SEMA4G: variants seen among roughly 807,000 people sequenced by gnomAD.
SEMA4G encodes the protein semaphorin 4G.
In SEMA4G, 59 loss-of-function variants were observed where a neutral mutation model predicts 81.2. The observed-to-expected ratio is 0.73, with a 90% CI of 0.59 to 0.90. SEMA4G has a LOEUF of 0.90. Ranked by LOEUF, SEMA4G falls within the 40% of genes least tolerant of loss-of-function variation. SEMA4G has a pLI of 0.00. For synonymous variants in SEMA4G, 404 were observed against 433.9 expected, an observed-to-expected ratio of 0.93 and a Z score of 0.86; for missense variants, 952 against 1,102.3, an observed-to-expected ratio of 0.86 and a Z score of 1.93.
intron 3 of SEMA4G, among the ~76,000 whole-genome samples, chr10:100,976,083 G>A (rs565371048): frequency 5.3e-5 from 8 of 152,110 alleles, no homozygotes; most frequent in African/African-American, 1.9e-4. Flanking sequence ...GGAGACGGGG[G>A]ACAGATGGTA....
At chr10:100,978,493 C>T (rs751535340) in intron 5 of SEMA4G, 34 bp from the exon 7 acceptor site, 13 of 1,603,422 alleles carry the variant, frequency 8.1e-6, no homozygotes, top group Non-Finnish European at 9.4e-6. Flanking sequence ...TTGAATATGA[C>T]ATGTCTCTCA....
chr10:100,975,169 T>C (rs930948211), intron 3 of SEMA4G: 1 of 415,952 alleles, frequency 2.4e-6, no homozygotes, highest in Non-Finnish European at 4.8e-6. Context: ...TCTGTGACAG[T>C]GAACACCCTC....
At chr10:100,984,874 G>C (rs1390425592), downstream of SEMA4G, 51 of 1,480,870 alleles carry the variant, frequency 3.4e-5, no homozygotes, top group Non-Finnish European at 4.4e-5. Flanking sequence ...CACTCTCCTT[G>C]GTCATTCTCA....
chr10:100,979,509 A>G (rs964463700), intron 8 of SEMA4G: 2 of 1,116,640 alleles, frequency 1.8e-6, no homozygotes, highest in South Asian at 1.6e-5. Context: ...CGGCCTCCCG[A>G]GTAGCTGGGA....
exon 11 of SEMA4G, chr10:100,980,624 C>T (rs1735148329): frequency 1.2e-6 from 2 of 1,614,084 alleles, no homozygotes; most frequent in South Asian, 1.1e-5. Context: ...CTGGGATGCA[C>T]ATTATTGAAG....
At chr10:100,980,036 A>G (rs1850986736) in intron 9 of SEMA4G, 44 bp downstream of exon 10, 1 of 1,613,742 alleles carries the variant, frequency 6.2e-7, no homozygotes, top group Non-Finnish European at 8.5e-7. Flanking sequence ...GACAGAGCCC[A>G]GGGAAGGGTC....
In SEMA4G at chr10:100,973,090, C is replaced by T. The variant is rs1417397992; in HGVS notation, c.125-39C>T. The T allele has an allele frequency of 4.3e-6, 7 of 1,613,986 alleles. No individual in the cohort carries two copies. Among genetic ancestry groups the T allele is most frequent in the Admixed American group, 1.7e-5 (1 of 59,992 alleles). Reference sequence around the variant, plus strand: ...GAAGCCAGGGCTGGGGGTGGGGAGGCACCCCAGAACTAGGGCTCACTGTTC... The same window carrying T: ...GAAGCCAGGGCTGGGGGTGGGGAGGTACCCCAGAACTAGGGCTCACTGTTC... On this transcript the variant is annotated intron_variant, in intron 1 of 13. Transcript: ENST00000370250. The surrounding 1 kb of genome is among the most constrained non-coding windows in gnomAD (Gnocchi z 5.5).
At chr10:100,984,857 G>C, downstream of SEMA4G, 1 of 1,495,516 alleles carries the variant, frequency 6.7e-7, no homozygotes, top group Admixed American at 2.1e-5. Context: ...TTGTGAATCA[G>C]CCTCCCCACT....
At chr10:100,979,116 G>A (rs1850933809) in exon 8 of SEMA4G, 1 of 1,614,150 alleles carries the variant, frequency 6.2e-7, no homozygotes, top group Admixed American at 1.7e-5. Context: ...ACCTGGGAGG[G>A]AAGAAGATCC....
upstream of SEMA4G, among the ~76,000 whole-genome samples, chr10:100,970,564 C>CA (rs72505111): frequency 6.6e-6 from 1 of 151,572 alleles, no homozygotes; most frequent in Non-Finnish European, 1.5e-5. Context: ...CACACACACA[C>CA]AACCCCCTCA....
rs1248675106 is a variant in SEMA4G at position 100,973,923 on chromosome 10, C to G, written c.336+314C>G. On this transcript the variant is annotated intron_variant, in intron 3 of 13. Transcript: ENST00000370250. The surrounding 1 kb of genome is among the most constrained non-coding windows in gnomAD (Gnocchi z 5.5). ...CCTCCTGAGTAGCTAGGACCACGGG[C>G]ACATGCCACGCCCAGCTAAGTGTTT... Among the ~76,000 whole-genome samples the G allele has an allele frequency of 6.6e-6, 1 of 151,452 alleles. No individual in the cohort carries two copies. The highest frequency in any genetic ancestry group is 6.6e-5 in the Admixed American group (1 of 15,130).
At chr10:100,982,140 C>G (rs1255919053) in intron 13 of SEMA4G, among the ~76,000 whole-genome samples, 3 of 151,470 alleles carry the variant, frequency 2.0e-5, no homozygotes, top group African/African-American at 7.3e-5. Context: ...CTTCTGGTCA[C>G]TATACTATGC....
At chr10:100,980,203 C>T (rs979985262) in exon 10 of SEMA4G, 2 of 1,614,126 alleles carry the variant, frequency 1.2e-6, no homozygotes, top group Middle Eastern at 1.6e-4. Context: ...TGTAAAGTTG[C>T]ACCCACTGAT....
chr10:100,972,857 A>C (rs1268862242), exon 1 of SEMA4G: 12 of 1,560,334 alleles, frequency 7.7e-6, no homozygotes, highest in Admixed American at 6.5e-5. Flanking sequence ...CCGCCCCCAC[A>C]ACCTGTGACT....
intron 3 of SEMA4G, among the ~76,000 whole-genome samples, chr10:100,975,443 C>T (rs138426276): frequency 1.4e-4 from 22 of 152,318 alleles, no homozygotes; most frequent in African/African-American, 4.1e-4. Context: ...ACTACATGCC[C>T]AGTCCCACAA....
chr10:100,978,330 G>C, exon 5 of SEMA4G: 1 of 1,613,738 alleles, frequency 6.2e-7, no homozygotes, highest in Non-Finnish European at 8.5e-7. Flanking sequence ...CCAGCTTCGA[G>C]GAGGGGAAGG....
chr10:100,985,011 C>A, downstream of SEMA4G: 1 of 1,192,018 alleles, frequency 8.4e-7, no homozygotes, highest in Non-Finnish European at 1.1e-6. Flanking sequence ...CTGTCTTGGA[C>A]CTGTCTGTTG....
exon 14 of SEMA4G, chr10:100,983,497 G>T: frequency 1.2e-6 from 2 of 1,614,184 alleles, no homozygotes; most frequent in Non-Finnish European, 1.7e-6. Context: ...GAGCACAGTG[G>T]CAACTATGGC....
upstream of SEMA4G, chr10:100,969,722 C>T (rs1850575130): frequency 2.6e-6 from 1 of 386,940 alleles, no homozygotes; most frequent in South Asian, 1.8e-5. Flanking sequence ...CACCAAGTCC[C>T]CCGGTCCTGC....
Sources: allele counts gnomAD v4.1 joint callset (sites outside exome capture counted in the v4.1 genomes callset), GRCh38; gene constraint gnomAD v4.1.1; non-coding constraint Gnocchi (gnomAD v3.1); transcripts MANE v1.5; gene names NCBI Gene and HGNC (gene_info 2026-07-23, HGNC 2026-07-21).